Variants in ADAMTS12 observed in about 807,000 individuals in gnomAD.
ADAMTS12 encodes A disintegrin and metalloproteinase with thrombospondin motifs 12.
Under a neutral mutation model 167.8 loss-of-function variants are expected in ADAMTS12, and 118 were observed. The observed-to-expected ratio is 0.70, with a 90% CI of 0.61 to 0.82. The LOEUF (loss-of-function observed/expected upper bound fraction) is 0.82, where lower values mean the gene tolerates loss of function less well. Ranked by LOEUF, ADAMTS12 falls within the 40% of genes least tolerant of loss-of-function variation. The probability of loss-of-function intolerance (pLI) is 0.00; values close to 1 mark genes in which losing one functional copy is unlikely to be tolerated. For missense variants in ADAMTS12, 1,916 were observed against 1,998.8 expected (o/e 0.96, Z 0.79); for synonymous variants, 704 against 716.9 (o/e 0.98, Z 0.29).
intron 2 of ADAMTS12, among the ~76,000 whole-genome samples, chr5:33,845,188 G>C (rs1006870917): frequency 1.3e-5 from 2 of 152,218 alleles, no homozygotes; most frequent in African/African-American, 4.8e-5. Flanking sequence ...TGTCCATTGA[G>C]AGGGTCTGGA....
At chr5:33,752,360 G>T (rs552850421) in intron 2 of ADAMTS12, among the ~76,000 whole-genome samples, 2 of 152,280 alleles carry the variant, frequency 1.3e-5, no homozygotes, top group South Asian at 4.1e-4. Context: ...TGAAACAAAG[G>T]ACCTGACCTA....
intron 6 of ADAMTS12, 60 bp from the exon 7 acceptor site, chr5:33,658,393 G>T: frequency 6.3e-7 from 1 of 1,585,360 alleles, no homozygotes; most frequent in Non-Finnish European, 8.6e-7. Context: ...AAACCTCCTG[G>T]AAAAAAATCT....
intron 3 of ADAMTS12, among the ~76,000 whole-genome samples, chr5:33,703,792 G>A (rs1010472688): frequency 4.6e-5 from 7 of 152,094 alleles, no homozygotes; most frequent in African/African-American, 1.4e-4. Context: ...ATTGGTTTGG[G>A]CTGAGCTTCT....
intron 18 of ADAMTS12, 132 bp from the exon 19 acceptor site, chr5:33,577,292 G>T (rs1746809483): frequency 7.6e-7 from 1 of 1,312,120 alleles, no homozygotes; most frequent in South Asian, 1.4e-5. Flanking sequence ...ATCTACATTT[G>T]GTTTCTGTGC....
intron 19 of ADAMTS12, among the ~76,000 whole-genome samples, chr5:33,572,283 G>A (rs974325251): frequency 1.1e-4 from 16 of 151,950 alleles, no homozygotes; most frequent in African/African-American, 3.9e-4. Context: ...AAGCCTGGCA[G>A]AGACACAACA....
chr5:33,883,523 C>A (rs964588518), intron 1 of ADAMTS12, among the ~76,000 whole-genome samples: 1 of 151,854 alleles, frequency 6.6e-6, no homozygotes, highest in African/African-American at 2.4e-5. Flanking sequence ...GCACAGCAGA[C>A]CACATGGCAA....
chr5:33,831,799 A>T (rs1242720867), intron 2 of ADAMTS12, among the ~76,000 whole-genome samples: 1 of 152,250 alleles, frequency 6.6e-6, no homozygotes, highest in Non-Finnish European at 1.5e-5. Context: ...TTGCCATGAT[A>T]AATGACCAGC....
chr5:33,687,814 A>G (rs1303827228), intron 3 of ADAMTS12, among the ~76,000 whole-genome samples: 1 of 152,188 alleles, frequency 6.6e-6, no homozygotes, highest in African/African-American at 2.4e-5. Flanking sequence ...AGAAAGTACA[A>G]GAAACCAGCC....
chr5:33,651,940 T>C lies in ADAMTS12; in HGVS notation c.1191-2243A>G, dbSNP rs147312720. ...TTCACTTAGGATAATGGTCTCCAAC[T>C]CCATCTATGTTGCTGCGCAAGACAT... On this transcript the variant is annotated intron_variant, in intron 7 of 23. Coordinates refer to ENST00000504830, the MANE Select transcript of ADAMTS12 (RefSeq NM_030955.4). 4.6e-5 allele frequency among the ~76,000 whole-genome samples: 7 copies of C among 152,314 alleles called. No individual in the cohort carries two copies. In the East Asian group the frequency reaches 5.8e-4, roughly 13 times the overall value.
At chr5:33,575,324 T>C (rs543046155) in intron 19 of ADAMTS12, among the ~76,000 whole-genome samples, 11 of 152,316 alleles carry the variant, frequency 7.2e-5, no homozygotes, top group African/African-American at 2.2e-4. Context: ...TTTTGAGAAA[T>C]GTGAATCAGG....
At chr5:33,772,910 G>A (rs762770021) in intron 2 of ADAMTS12, among the ~76,000 whole-genome samples, 40 of 152,212 alleles carry the variant, frequency 2.6e-4, no homozygotes, top group Non-Finnish European at 5.3e-4. Flanking sequence ...CCACACTGTG[G>A]ATGCACAAAA....
intron 2 of ADAMTS12, among the ~76,000 whole-genome samples, chr5:33,829,470 C>G (rs1283979302): frequency 1.3e-5 from 2 of 152,118 alleles, no homozygotes; most frequent in Admixed American, 1.3e-4. Flanking sequence ...CAGCCAGGAC[C>G]TTCCCTCCCC....
chr5:33,830,435 A>G (rs1175826192), intron 2 of ADAMTS12, among the ~76,000 whole-genome samples: 5 of 152,242 alleles, frequency 3.3e-5, no homozygotes, highest in Non-Finnish European at 7.3e-5. Context: ...GCCAATTGAT[A>G]TAAAACACAG....
intron 2 of ADAMTS12, among the ~76,000 whole-genome samples, chr5:33,880,413 A>G (rs1041103075): frequency 5.9e-5 from 9 of 152,240 alleles, no homozygotes; most frequent in Non-Finnish European, 1.0e-4. Flanking sequence ...GCGGTTCTTC[A>G]GCCATACAGT....
intron 2 of ADAMTS12, among the ~76,000 whole-genome samples, chr5:33,857,975 G>C (rs1251373875): frequency 1.3e-5 from 2 of 152,070 alleles, no homozygotes; most frequent in South Asian, 4.1e-4. Flanking sequence ...AAATCAGCTA[G>C]GGTAAAGTAA....
chr5:33,792,873 A>T (rs1488767416), intron 2 of ADAMTS12, among the ~76,000 whole-genome samples: 2 of 152,246 alleles, frequency 1.3e-5, no homozygotes, highest in African/African-American at 4.8e-5. Context: ...ACAACTGAAC[A>T]TGGTTTACTT....
intron 2 of ADAMTS12, among the ~76,000 whole-genome samples, chr5:33,871,056 GAAC>G (rs1366586572): frequency 1.3e-5 from 2 of 151,830 alleles, no homozygotes; most frequent in African/African-American, 4.8e-5. Flanking sequence ...AAAGATATGA[GAAC>G]AATGAACAAA....
intron 9 of ADAMTS12, among the ~76,000 whole-genome samples, chr5:33,646,233 T>C (rs954383377): frequency 2.6e-5 from 4 of 152,154 alleles, no homozygotes; most frequent in African/African-American, 7.2e-5. Context: ...ATGCATAATA[T>C]ATTTTAAATA....
chr5:33,834,170 T>C (rs1337167094), intron 2 of ADAMTS12, among the ~76,000 whole-genome samples: 1 of 152,120 alleles, frequency 6.6e-6, no homozygotes, highest in African/African-American at 2.4e-5. Flanking sequence ...TGGATTAAGG[T>C]CTGATTTTAA....
Sources: gnomAD v4.1 joint callset for allele counts (sites outside exome capture counted in the v4.1 genomes callset) on GRCh38, gnomAD v4.1.1 for gene constraint, MANE v1.5 for transcripts, NCBI Gene and HGNC (gene_info 2026-07-23, HGNC 2026-07-21) for gene names.